Variants in DOCK5 observed in about 807,000 individuals in gnomAD.
DOCK5 encodes dedicator of cytokinesis protein 5.
Under a neutral mutation model 251.8 loss-of-function variants are expected in DOCK5, and 142 were observed. The observed-to-expected ratio is 0.56, with a 90% CI of 0.49 to 0.65. DOCK5 has a LOEUF of 0.65. Among genes scored for constraint, DOCK5 ranks in the 30% least tolerant of loss-of-function variants. The probability of loss-of-function intolerance (pLI) is 0.00; values close to 1 mark genes in which losing one functional copy is unlikely to be tolerated. For missense variants in DOCK5, 2,111 were observed against 2,312.3 expected (o/e 0.91, Z 1.79); for synonymous variants, 842 against 835.5 (o/e 1.01, Z -0.13).
At chr8:25,326,850 A>C (rs1257794117) in intron 18 of DOCK5, among the ~76,000 whole-genome samples, 1 of 152,216 alleles carries the variant, frequency 6.6e-6, no homozygotes, top group East Asian at 1.9e-4. Flanking sequence ...GGGTCAGTTT[A>C]ACCACGTTTT....
intron 2 of DOCK5, among the ~76,000 whole-genome samples, chr8:25,250,433 T>C (rs928936852): frequency 2.0e-5 from 3 of 152,198 alleles, no homozygotes; most frequent in African/African-American, 7.2e-5. Flanking sequence ...CCACAGTCAT[T>C]TTTGTGTCTT....
intron 5 of DOCK5, among the ~76,000 whole-genome samples, chr8:25,291,618 G>A (rs541762269): frequency 1.1e-4 from 16 of 147,876 alleles, no homozygotes; most frequent in African/African-American, 3.2e-4. Flanking sequence ...GGGAGGTGGA[G>A]GTTACAGTTA....
In DOCK5 at chr8:25,403,853, T is replaced by C; in HGVS notation, c.5093+129T>C. 3.6e-5 allele frequency: 35 copies of C among 964,088 alleles called. No homozygotes were observed. The South Asian group carries it at 5.0e-4, about 14-fold the overall frequency. 59.7% of individuals were successfully genotyped at this position (964,088 alleles called of 1,614,324 possible). Reference sequence around the variant, plus strand: ...TTCTCATTGTCTTCCTCATGAGGAATGTCATGATTAGCAGAATAATAACAA... The same window carrying C: ...TTCTCATTGTCTTCCTCATGAGGAACGTCATGATTAGCAGAATAATAACAA... On this transcript the variant is annotated intron_variant, in intron 48 of 51. Transcript: ENST00000276440.
chr8:25,235,963 A>G (rs555799399), intron 1 of DOCK5, among the ~76,000 whole-genome samples: 2 of 151,810 alleles, frequency 1.3e-5, no homozygotes, highest in African/African-American at 4.8e-5. Context: ...ATGCCTGTCT[A>G]ATTTTTATAT....
intron 11 of DOCK5, 80 bp from the exon 12 acceptor site, chr8:25,308,703 G>T: frequency 6.7e-7 from 1 of 1,502,396 alleles, no homozygotes; most frequent in South Asian, 1.2e-5. Context: ...ATTCCTATAT[G>T]ACTCACCATT....
chr8:25,382,065 G>A (rs1332298584), intron 39 of DOCK5, among the ~76,000 whole-genome samples: 2 of 152,140 alleles, frequency 1.3e-5, no homozygotes, highest in Non-Finnish European at 2.9e-5. Flanking sequence ...CCAGGCTGGA[G>A]TGCAGTGGTG....
chr8:25,281,293 T>C (rs1334219717), intron 5 of DOCK5, among the ~76,000 whole-genome samples: 1 of 151,918 alleles, frequency 6.6e-6, no homozygotes, highest in Non-Finnish European at 1.5e-5. Flanking sequence ...CTGGGTGTAG[T>C]GGCTTGTGCC....
At chr8:25,283,023 C>T (rs17053298) in intron 5 of DOCK5, among the ~76,000 whole-genome samples, 1 of 152,020 alleles carries the variant, frequency 6.6e-6, no homozygotes, top group Non-Finnish European at 1.5e-5. Flanking sequence ...ACCAGATTAA[C>T]CCCAGCCATG....
chr8:25,394,351 CT>C (rs199715686), intron 44 of DOCK5, among the ~76,000 whole-genome samples: 9,655 of 145,664 alleles, frequency 0.066, 356 homozygotes, highest in South Asian at 0.1. Flanking sequence ...GAAGGAGATA[CT>C]TTTTTTTTTT....
At chr8:25,373,755 G>T in intron 36 of DOCK5, 97 bp downstream of exon 36, 3 of 1,191,110 alleles carry the variant, frequency 2.5e-6, no homozygotes, top group Non-Finnish European at 3.6e-6. Context: ...CGTGTTTGCT[G>T]CTTTGAGAGA....
At chr8:25,331,801 TAGAGAGAGAG>T (rs59239520) in intron 18 of DOCK5, among the ~76,000 whole-genome samples, 4,570 of 118,296 alleles carry the variant, frequency 0.039, 101 homozygotes, top group East Asian at 0.087. Context: ...TATATATATA[TAGAGAGAGAG>T]AGAGAGAGAG....
intron 48 of DOCK5, among the ~76,000 whole-genome samples, chr8:25,405,449 A>T (rs144557244): frequency 1.6e-3 from 250 of 152,090 alleles, no homozygotes; most frequent in African/African-American, 5.7e-3. Context: ...TGAAATGTCA[A>T]TCTTATAAAA....
rs1280124993 is a variant in DOCK5, at chr8:25,210,830, C to T, written c.43+25879C>T. 5.1e-5 allele frequency among the ~76,000 whole-genome samples: 3 copies of T among 58,892 alleles called. 1 individual carries two copies. The highest frequency in any genetic ancestry group is 1.1e-4 in the African/African-American group (3 of 26,352). The allele number at this position is 58,892 out of a possible 152,430, so 38.6% of individuals were successfully genotyped here. A position where few individuals can be genotyped will look rare whatever the true frequency, so the allele number is the denominator to read the frequency against. ...AACATTCTAGGCAGAAGATGTGGCACAGTTAAGGAGCAGTGGAAAGTGCCA... is the reference window on the plus strand; with the variant it reads ...AACATTCTAGGCAGAAGATGTGGCATAGTTAAGGAGCAGTGGAAAGTGCCA... On this transcript the variant is annotated intron_variant, in intron 1 of 51. Coordinates refer to ENST00000276440, the MANE Select transcript of DOCK5 (RefSeq NM_024940.8).
intron 1 of DOCK5, among the ~76,000 whole-genome samples, chr8:25,205,461 T>C (rs1384671899): frequency 3.3e-5 from 5 of 152,222 alleles, no homozygotes; most frequent in Non-Finnish European, 7.3e-5. Flanking sequence ...TGGTATTTTG[T>C]TATGGCAGCC....
At chr8:25,379,585 T>G (rs1801027866) in intron 38 of DOCK5, among the ~76,000 whole-genome samples, 1 of 152,152 alleles carries the variant, frequency 6.6e-6, no homozygotes, top group Non-Finnish European at 1.5e-5. Flanking sequence ...ATTTGTACAG[T>G]TAACACAATT....
intron 34 of DOCK5, among the ~76,000 whole-genome samples, chr8:25,370,022 A>AG (rs1259086324): frequency 3.9e-5 from 6 of 152,204 alleles, no homozygotes; most frequent in African/African-American, 1.4e-4. Context: ...TGTGTATGTA[A>AG]AAAATACCTT....
intron 1 of DOCK5, among the ~76,000 whole-genome samples, chr8:25,197,216 C>T (rs957589998): frequency 2.6e-5 from 4 of 152,124 alleles, no homozygotes; most frequent in African/African-American, 9.7e-5. Context: ...TATTGTCAAG[C>T]TTTATAAAAG....
chr8:25,408,775 T>A, intron 49 of DOCK5, 27 bp from the exon 50 acceptor site: 1 of 1,613,120 alleles, frequency 6.2e-7, no homozygotes, highest in Non-Finnish European at 8.5e-7. Flanking sequence ...ACCGTGAAAA[T>A]GTTTTGCTTT....
intron 1 of DOCK5, among the ~76,000 whole-genome samples, chr8:25,215,700 CTT>C (rs34189874): frequency 6.6e-6 from 1 of 151,736 alleles, no homozygotes; most frequent in African/African-American, 2.4e-5. Flanking sequence ...GAACACATCT[CTT>C]TTTTTTCACC....
Sources: allele counts gnomAD v4.1 joint callset (sites outside exome capture counted in the v4.1 genomes callset), GRCh38; gene constraint gnomAD v4.1.1; transcripts MANE v1.5; gene names NCBI Gene and HGNC (gene_info 2026-07-23, HGNC 2026-07-21).